The following FHOD3 variants were observed in gnomAD, a reference collection of about 807,000 sequenced individuals.
FHOD3 encodes formin homology 2 domain containing 3, also known as FH1/FH2 domain-containing protein 3.
In FHOD3, 90 loss-of-function variants were observed where a neutral mutation model predicts 173.0. That is an observed-to-expected ratio of 0.52 (90% CI 0.44 to 0.62). The LOEUF (loss-of-function observed/expected upper bound fraction) is 0.62, where lower values mean the gene tolerates loss of function less well. Among genes scored for constraint, FHOD3 ranks in the 20% least tolerant of loss-of-function variants. The probability of loss-of-function intolerance (pLI) is 0.00; values close to 1 mark genes in which losing one functional copy is unlikely to be tolerated. For synonymous variants in FHOD3, 828 were observed against 823.0 expected (o/e 1.01, Z -0.10); for missense variants, 1,945 against 2,034.7 (o/e 0.96, Z 0.85).
At chr18:36,666,856 T>C (rs1052223350) in intron 14 of FHOD3, among the ~76,000 whole-genome samples, 1 of 152,144 alleles carries the variant, frequency 6.6e-6, no homozygotes, top group Non-Finnish European at 1.5e-5. Context: ...CTGACCACAA[T>C]GGAGATAATG....
At chr18:36,697,419 C>G (rs2039346184) in intron 17 of FHOD3, among the ~76,000 whole-genome samples, 1 of 152,156 alleles carries the variant, frequency 6.6e-6, no homozygotes, top group Non-Finnish European at 1.5e-5. Context: ...CACCCACTAA[C>G]CTAGCCATGA....
intron 3 of FHOD3, among the ~76,000 whole-genome samples, chr18:36,474,132 A>C (rs552433578): frequency 6.6e-6 from 1 of 152,340 alleles, no homozygotes; most frequent in Admixed American, 6.5e-5. Context: ...CTTATGCATC[A>C]TAGAACAGTA....
intron 6 of FHOD3, among the ~76,000 whole-genome samples, chr18:36,592,898 G>C (rs1181724958): frequency 6.6e-6 from 1 of 152,176 alleles, no homozygotes; most frequent in African/African-American, 2.4e-5. Flanking sequence ...GCCTGCTCAG[G>C]AGTTTGGTCA....
chr18:36,354,947 C>G (rs1284206169), intron 1 of FHOD3, among the ~76,000 whole-genome samples: 1 of 152,186 alleles, frequency 6.6e-6, no homozygotes, highest in African/African-American at 2.4e-5. Context: ...CAACTGCACT[C>G]CAGCCTGGGT....
intron 5 of FHOD3, among the ~76,000 whole-genome samples, chr18:36,574,042 C>T (rs578064783): frequency 6.6e-6 from 1 of 152,206 alleles, no homozygotes; most frequent in Non-Finnish European, 1.5e-5. Flanking sequence ...TTCTCAGAGC[C>T]TCAGTTTTTT....
At chr18:36,707,886 A>G (rs1343557851) in intron 17 of FHOD3, among the ~76,000 whole-genome samples, 1 of 152,136 alleles carries the variant, frequency 6.6e-6, no homozygotes, top group Non-Finnish European at 1.5e-5. Flanking sequence ...GTTCAAGCAC[A>G]CACCCTTAGA....
intron 3 of FHOD3, among the ~76,000 whole-genome samples, chr18:36,484,910 G>A (rs2145613528): frequency 6.6e-6 from 1 of 152,282 alleles, no homozygotes; most frequent in South Asian, 2.1e-4. Flanking sequence ...CCTGTTCCTG[G>A]TCTGTTACTG....
intron 14 of FHOD3, among the ~76,000 whole-genome samples, chr18:36,680,303 T>G (rs1458687136): frequency 6.6e-6 from 1 of 152,220 alleles, no homozygotes; most frequent in Non-Finnish European, 1.5e-5. Context: ...AATATGAAAG[T>G]CACATCTTTC....
At position 36,526,738 on chromosome 18, in the gene FHOD3, A is replaced by C. The variant is rs1029161825; in HGVS notation, c.511+14195A>C. Among the ~76,000 whole-genome samples the C allele has an allele frequency of 2.0e-5, 3 of 152,228 alleles. No individual in the cohort carries two copies. In the South Asian group the frequency reaches 6.2e-4, roughly 32 times the overall value. ...CTTTCTAAAAAATAGAATCAGCTTA[A>C]TATATAGTGTTTCATGGGAATTTCA... is the stretch of plus-strand genomic sequence containing the variant. On this transcript the variant is annotated intron_variant, in intron 5 of 28. Transcript: ENST00000590592.
chr18:36,390,156 C>T (rs2048227979), intron 3 of FHOD3, among the ~76,000 whole-genome samples: 1 of 152,130 alleles, frequency 6.6e-6, no homozygotes, highest in African/African-American at 2.4e-5. Flanking sequence ...CCCAGTCCTG[C>T]TCTGTAGGTA....
chr18:36,634,966 T>G (rs547905020), intron 10 of FHOD3, among the ~76,000 whole-genome samples: 9 of 152,312 alleles, frequency 5.9e-5, no homozygotes, highest in Non-Finnish European at 8.8e-5. Context: ...TGGGAAGATT[T>G]ATCTGATGGT....
At chr18:36,676,759 T>G (rs1028563857) in intron 14 of FHOD3, among the ~76,000 whole-genome samples, 14 of 152,212 alleles carry the variant, frequency 9.2e-5, no homozygotes, top group African/African-American at 3.1e-4. Flanking sequence ...TGCATTCCTT[T>G]TCCCTGATTT....
At chr18:36,312,059 TACCCTCCC>T (rs2092270417) in intron 1 of FHOD3, among the ~76,000 whole-genome samples, 1 of 152,196 alleles carries the variant, frequency 6.6e-6, no homozygotes, top group South Asian at 2.1e-4. Flanking sequence ...CCCTGCCCTG[TACCCTCCC>T]AGTTCCTGTC....
chr18:36,693,631 C>G (rs971734070), intron 17 of FHOD3, among the ~76,000 whole-genome samples: 1 of 152,168 alleles, frequency 6.6e-6, no homozygotes, highest in African/African-American at 2.4e-5. Flanking sequence ...CAAAATGATT[C>G]ATCAAAGTTG....
At chr18:36,604,221 G>C (rs548007500) in intron 8 of FHOD3, among the ~76,000 whole-genome samples, 1 of 152,148 alleles carries the variant, frequency 6.6e-6, no homozygotes, top group East Asian at 1.9e-4. Flanking sequence ...CTCCTTACAC[G>C]CTCATGCTGG....
chr18:36,307,890 C>T (rs1382308500), intron 1 of FHOD3, among the ~76,000 whole-genome samples: 2 of 152,228 alleles, frequency 1.3e-5, no homozygotes, highest in African/African-American at 4.8e-5. Context: ...CCACTCTTAA[C>T]ACTTTTGTGT....
intron 7 of FHOD3, among the ~76,000 whole-genome samples, chr18:36,596,233 C>T (rs2030354659): frequency 6.6e-6 from 1 of 151,034 alleles, no homozygotes. Context: ...CGGCTCACTG[C>T]AAGCTCCACC....
intron 19 of FHOD3, among the ~76,000 whole-genome samples, chr18:36,721,237 A>G (rs1316352874): frequency 6.6e-6 from 1 of 152,262 alleles, no homozygotes; most frequent in Non-Finnish European, 1.5e-5. Flanking sequence ...AGAATGTTCT[A>G]TAATGAGACC....
intron 9 of FHOD3, among the ~76,000 whole-genome samples, chr18:36,621,776 GA>G (rs2033729697): frequency 6.6e-6 from 1 of 151,996 alleles, no homozygotes; most frequent in African/African-American, 2.4e-5. Flanking sequence ...CAAAGTTAAA[GA>G]AAAAAACTGT....
Sources: gnomAD v4.1 joint callset for allele counts (sites outside exome capture counted in the v4.1 genomes callset) on GRCh38, gnomAD v4.1.1 for gene constraint, MANE v1.5 for transcripts, NCBI Gene and HGNC (gene_info 2026-07-23, HGNC 2026-07-21) for gene names.